The following CRISPLD2 variants were observed in gnomAD, a reference collection of about 807,000 sequenced individuals.
CRISPLD2 encodes the protein cysteine rich secretory protein LCCL domain containing 2.
In CRISPLD2, 47 loss-of-function variants were observed where a neutral mutation model predicts 71.1. The observed-to-expected ratio is 0.66, with a 90% CI of 0.52 to 0.84. CRISPLD2 has a LOEUF of 0.84. Ranked by LOEUF, CRISPLD2 falls within the 40% of genes least tolerant of loss-of-function variation. The pLI is 0.00. For missense variants in CRISPLD2, 830 were observed against 651.1 expected (o/e 1.27, Z -2.99); for synonymous variants, 317 against 250.1 (o/e 1.27, Z -2.52).
chr16:84,879,331 A>G (rs1046510303), intron 12 of CRISPLD2, among the ~76,000 whole-genome samples: 1 of 151,964 alleles, frequency 6.6e-6, no homozygotes, highest in South Asian at 2.1e-4. Flanking sequence ...GTAGGAAAGA[A>G]TGGAGACTGT....
chr16:84,827,868 A>G (rs1021876476), intron 1 of CRISPLD2, among the ~76,000 whole-genome samples: 2 of 151,842 alleles, frequency 1.3e-5, no homozygotes, highest in Admixed American at 6.6e-5. Context: ...CACCGGGCCT[A>G]CAGTGCCCTT....
At chr16:84,858,150 C>G (rs1271600650) in intron 6 of CRISPLD2, among the ~76,000 whole-genome samples, 1 of 152,176 alleles carries the variant, frequency 6.6e-6, no homozygotes, top group Non-Finnish European at 1.5e-5. Flanking sequence ...GCCAGAGGCT[C>G]CAAACAGCAT....
At chr16:84,837,486 G>A (rs8063717) in intron 1 of CRISPLD2, among the ~76,000 whole-genome samples, 6 of 150,234 alleles carry the variant, frequency 4.0e-5, no homozygotes, top group African/African-American at 7.4e-5. Flanking sequence ...GCGCAATCTC[G>A]GCTCACTGCA....
rs754175411 is a variant in CRISPLD2, at chr16:84,845,810, T to A, written c.265T>A (p.Ser89Thr). The A allele has an allele frequency of 3.7e-6, 6 of 1,613,688 alleles. No individual in the cohort carries two copies. The Admixed American group carries it at 1.0e-4, about 27-fold the overall frequency. ...YMTWDDELEK[S>T]AAAWASQCIW... ...GACCTGGGATGACGAACTGGAGAAG[T>A]CTGCTGCAGCGTGGGCCAGTCAGTG... Residue 89 changes from serine to threonine, a missense_variant, in exon 3 of 15, where the codon TCT becomes ACT. Physicochemically the swap from Ser to Thr is moderately conservative, Grantham distance 58. Coordinates refer to ENST00000262424, the MANE Select transcript of CRISPLD2 (RefSeq NM_031476.4).
At chr16:84,849,923 G>A (rs1419961545) in intron 4 of CRISPLD2, among the ~76,000 whole-genome samples, 1 of 147,856 alleles carries the variant, frequency 6.8e-6, no homozygotes, top group African/African-American at 2.5e-5. Flanking sequence ...GATGGGTCTG[G>A]CTATGTTGTC....
At chr16:84,859,056 C>T (rs530433981) in intron 6 of CRISPLD2, among the ~76,000 whole-genome samples, 145 of 152,322 alleles carry the variant, frequency 9.5e-4, no homozygotes, top group African/African-American at 3.3e-3. Context: ...TGCAGTCCCT[C>T]CAGGGATGCG....
In CRISPLD2 at chr16:84,866,979, G is replaced by T. The variant is rs199795514; in HGVS notation, c.792G>T (p.Trp264Cys). The T allele has an allele frequency of 9.4e-5, 152 of 1,614,076 alleles. 1 individual carries two copies. The highest frequency in any genetic ancestry group is 9.2e-4 in the Admixed American group (55 of 60,004). The change falls in exon 7 of 15, where the codon TGG becomes TGT. Residue 264 changes from tryptophan (W) to cysteine (C), a missense_variant. Transcript: ENST00000262424. ...CCATTCCTGAAGAAAACCATGTTTGGCTCCAACCGAGGGTGATGAGACCCA... is the reference window on the plus strand; with the variant it reads ...CCATTCCTGAAGAAAACCATGTTTGTCTCCAACCGAGGGTGATGAGACCCA... ...TAPIPEENHVWLQPRVMRPTK... is the reference protein window; with the variant it reads ...TAPIPEENHVCLQPRVMRPTK...
chr16:84,846,490 GT>G (rs1916917773), intron 3 of CRISPLD2, among the ~76,000 whole-genome samples: 1 of 152,142 alleles, frequency 6.6e-6, no homozygotes, highest in Admixed American at 6.5e-5. Flanking sequence ...CTGGCCTCAA[GT>G]GATCCACCCA....
rs188145381 is a variant in CRISPLD2 at position 84,880,742 on chromosome 16, G to A, written c.1305+158G>A. 3.9e-5 allele frequency: 21 copies of A among 539,654 alleles called. No individual in the cohort carries two copies. In the African/African-American group the frequency reaches 4.0e-4, roughly 10 times the overall value. 33.4% of individuals were successfully genotyped at this position (539,654 alleles called of 1,614,324 possible). A position where few individuals can be genotyped will look rare whatever the true frequency, so the allele number is the denominator to read the frequency against. ...TAATTTCGAGATGGAGTCTTACTCT[G>A]TTGCCCAGGCTGGAGTACAGTGGAG... On this transcript the variant is annotated intron_variant, in intron 13 of 14. Transcript: ENST00000262424.
chr16:84,838,345 G>T, intron 1 of CRISPLD2, 77 bp from the exon 2 acceptor site: 19 of 854,962 alleles, frequency 2.2e-5, no homozygotes, highest in Middle Eastern at 3.7e-4. Context: ...CGTGTGTGCT[G>T]CGTTCGCTGC....
intron 14 of CRISPLD2, among the ~76,000 whole-genome samples, chr16:84,902,150 C>G (rs2143388597): frequency 6.6e-6 from 1 of 150,922 alleles, no homozygotes; most frequent in South Asian, 2.1e-4. Context: ...GCCATGCTGC[C>G]TTCTAGAACA....
intron 10 of CRISPLD2, 89 bp downstream of exon 10, chr16:84,873,211 G>A: frequency 6.7e-7 from 1 of 1,502,596 alleles, no homozygotes; most frequent in Middle Eastern, 1.9e-4. Context: ...CACAGGCCGG[G>A]CGTGGTGGCT....
At chr16:84,868,774 G>C in intron 7 of CRISPLD2, 77 bp from the exon 8 acceptor site, 1 of 1,136,032 alleles carries the variant, frequency 8.8e-7, no homozygotes, top group Non-Finnish European at 1.3e-6. Flanking sequence ...GTTCCAGAAT[G>C]TCCCTCAGCA....
At chr16:84,854,655 G>T (rs1917184106) in intron 5 of CRISPLD2, 74 bp from the exon 6 acceptor site, 18 of 1,079,348 alleles carry the variant, frequency 1.7e-5, no homozygotes, top group Non-Finnish European at 2.3e-5. Context: ...ACTCACGTGG[G>T]CCTTGGAAGA....
intron 9 of CRISPLD2, among the ~76,000 whole-genome samples, chr16:84,872,735 C>G (rs1271342042): frequency 6.6e-6 from 1 of 152,178 alleles, no homozygotes; most frequent in African/African-American, 2.4e-5. Flanking sequence ...TGAGCATTCA[C>G]ACACTGGACC....
At chr16:84,867,728 A>G (rs1289272902) in intron 7 of CRISPLD2, among the ~76,000 whole-genome samples, 1 of 152,074 alleles carries the variant, frequency 6.6e-6, no homozygotes, top group African/African-American at 2.4e-5. Flanking sequence ...CACTATGCCC[A>G]GCTAATTTTT....
intron 6 of CRISPLD2, among the ~76,000 whole-genome samples, chr16:84,861,833 G>A (rs185242956): frequency 6.6e-6 from 1 of 152,312 alleles, no homozygotes; most frequent in Admixed American, 6.5e-5. Context: ...GGGAGGCTTA[G>A]ATGGGAAGAT....
chr16:84,852,168 G>C (rs1191152580), intron 5 of CRISPLD2, among the ~76,000 whole-genome samples: 1 of 152,214 alleles, frequency 6.6e-6, no homozygotes, highest in African/African-American at 2.4e-5. Flanking sequence ...TTCACCTGTT[G>C]ACGTCGTTTA....
intron 14 of CRISPLD2, among the ~76,000 whole-genome samples, chr16:84,897,815 C>T (rs113378940): frequency 5.2e-4 from 79 of 152,300 alleles, no homozygotes; most frequent in Non-Finnish European, 1.0e-3. Flanking sequence ...CGGGGTTTCG[C>T]CATGTTGGCC....
Sources: gnomAD v4.1 joint callset for allele counts (sites outside exome capture counted in the v4.1 genomes callset) on GRCh38, gnomAD v4.1.1 for gene constraint, MANE v1.5 for transcripts, NCBI Gene and HGNC (gene_info 2026-07-23, HGNC 2026-07-21) for gene names.